The following ATP8A2 variants were observed in gnomAD, a reference collection of about 807,000 sequenced individuals.
ATP8A2 encodes the protein ATPase phospholipid transporting 8A2.
ATP8A2 carries 100 observed loss-of-function variants against 165.6 expected under a neutral mutation model. That is an observed-to-expected ratio of 0.60 (90% CI 0.51 to 0.71). ATP8A2 has a LOEUF of 0.71. Ranked by LOEUF, ATP8A2 falls within the 30% of genes least tolerant of loss-of-function variation. The pLI, the probability that ATP8A2 is intolerant of heterozygous loss-of-function variation, is 0.00. For missense variants in ATP8A2, 1,227 were observed against 1,479.5 expected (o/e 0.83, Z 2.80); for synonymous variants, 543 against 548.8 (o/e 0.99, Z 0.15).
intron 33 of ATP8A2, among the ~76,000 whole-genome samples, chr13:25,920,099 T>C (rs1283660406): frequency 1.3e-5 from 2 of 152,214 alleles, no homozygotes; most frequent in Non-Finnish European, 2.9e-5. Context: ...TGTTTTGTCT[T>C]GAACTCACTT....
intron 25 of ATP8A2, among the ~76,000 whole-genome samples, chr13:25,723,823 G>A (rs769544935): frequency 2.1e-4 from 32 of 151,980 alleles, no homozygotes; most frequent in Non-Finnish European, 4.4e-4. Flanking sequence ...GCTGACTTTA[G>A]GAAAGGGAGA....
intron 2 of ATP8A2, among the ~76,000 whole-genome samples, chr13:25,499,978 G>A (rs1311222470): frequency 6.6e-6 from 1 of 152,118 alleles, no homozygotes; most frequent in Non-Finnish European, 1.5e-5. Context: ...GGACAGCTAT[G>A]CTACCCTCTA....
chr13:25,469,286 G>GC (rs1442259377), intron 2 of ATP8A2, among the ~76,000 whole-genome samples, 165 bp downstream of exon 2: 1 of 122,798 alleles, frequency 8.1e-6, no homozygotes, highest in East Asian at 2.8e-4. Context: ...GTGCAGCCCC[G>GC]CGCTTCCAGT....
At chr13:25,492,408 A>G (rs1310255855) in intron 2 of ATP8A2, among the ~76,000 whole-genome samples, 1 of 152,132 alleles carries the variant, frequency 6.6e-6, no homozygotes, top group African/African-American at 2.4e-5. Flanking sequence ...TTTTTGGTCA[A>G]TTTTATGTTC....
chr13:25,932,256 T>G (rs1313776331), intron 33 of ATP8A2, among the ~76,000 whole-genome samples: 8 of 152,064 alleles, frequency 5.3e-5, no homozygotes. Flanking sequence ...TCTGGTGTGG[T>G]CCTCAGAAAA....
Position 25,813,485 on chromosome 13 carries a change from ATATGATATATGATATGG to A in ATP8A2, c.2680-14602_2680-14586del, listed in dbSNP as rs751815658. Among the ~76,000 whole-genome samples the A allele has an allele frequency of 9.5e-3, 1,225 of 128,726 alleles. 20 individuals are homozygous for A. Among genetic ancestry groups the A allele is most frequent in the African/African-American group, 0.032 (1,034 of 32,402 alleles). 84.4% of individuals were successfully genotyped at this position (128,726 alleles called of 152,430 possible). On this transcript the variant is annotated intron_variant, in intron 27 of 36. Transcript: ENST00000381655. ...TATAATATGGTGATATGATCTGATG[ATATGATATATGATATGG>A]TATGATATATGATATGGTATGATAT... is the stretch of plus-strand genomic sequence containing the variant.
At chr13:25,608,479 G>T in intron 24 of ATP8A2, among the ~76,000 whole-genome samples, 1 of 135,944 alleles carries the variant, frequency 7.4e-6, no homozygotes, top group East Asian at 2.0e-4. Flanking sequence ...TTAAATCTCA[G>T]CTATACATTT....
At chr13:25,800,520 C>T (rs995368031) in intron 27 of ATP8A2, among the ~76,000 whole-genome samples, 3 of 152,106 alleles carry the variant, frequency 2.0e-5, no homozygotes, top group African/African-American at 4.8e-5. Context: ...ATATAGGGTG[C>T]AGCAACTCAT....
intron 33 of ATP8A2, among the ~76,000 whole-genome samples, chr13:25,912,564 C>A (rs1041286149): frequency 6.6e-6 from 1 of 152,072 alleles, no homozygotes; most frequent in African/African-American, 2.4e-5. Context: ...CAAAAAGATG[C>A]GTATTTGATG....
intron 24 of ATP8A2, among the ~76,000 whole-genome samples, chr13:25,698,459 C>T (rs2042882370): frequency 6.6e-6 from 1 of 152,096 alleles, no homozygotes; most frequent in Non-Finnish European, 1.5e-5. Context: ...TCTTGAACTC[C>T]TGGGCTCAAG....
At chr13:25,960,900 T>A (rs560713039) in intron 33 of ATP8A2, among the ~76,000 whole-genome samples, 1 of 152,284 alleles carries the variant, frequency 6.6e-6, no homozygotes, top group East Asian at 1.9e-4. Context: ...TCCTTCCACT[T>A]GGAATCTCTG....
At chr13:25,454,794 C>A (rs905753122) in intron 1 of ATP8A2, among the ~76,000 whole-genome samples, 1 of 152,182 alleles carries the variant, frequency 6.6e-6, no homozygotes, top group African/African-American at 2.4e-5. Context: ...TGATGGCACA[C>A]ACCTGTAATC....
intron 30 of ATP8A2, among the ~76,000 whole-genome samples, chr13:25,859,064 A>G (rs1283996130): frequency 6.6e-6 from 1 of 152,100 alleles, no homozygotes; most frequent in Non-Finnish European, 1.5e-5. Flanking sequence ...TTAGCCAGGC[A>G]TGGTGGCGGG....
At chr13:25,940,185 G>A (rs995367246) in intron 33 of ATP8A2, among the ~76,000 whole-genome samples, 3 of 152,116 alleles carry the variant, frequency 2.0e-5, no homozygotes, top group African/African-American at 4.8e-5. Flanking sequence ...TCTTCATGCC[G>A]AACTTGACTC....
At chr13:25,592,706 C>T (rs934331734) in intron 24 of ATP8A2, among the ~76,000 whole-genome samples, 5 of 152,052 alleles carry the variant, frequency 3.3e-5, no homozygotes, top group Non-Finnish European at 5.9e-5. Context: ...CAGAAATGAG[C>T]CTCTGTTTTC....
intron 33 of ATP8A2, among the ~76,000 whole-genome samples, chr13:25,959,924 G>A (rs1419009005): frequency 6.6e-6 from 1 of 152,190 alleles, no homozygotes; most frequent in Non-Finnish European, 1.5e-5. Flanking sequence ...ACATTTTTAA[G>A]GGTTGTAAAC....
intron 33 of ATP8A2, among the ~76,000 whole-genome samples, chr13:25,887,487 G>A (rs979808830): frequency 5.3e-5 from 8 of 152,042 alleles, no homozygotes; most frequent in East Asian, 3.9e-4. Flanking sequence ...TACAGGCGTC[G>A]GCCACCATGC....
chr13:25,490,594 A>G (rs1201951461), intron 2 of ATP8A2, among the ~76,000 whole-genome samples: 1 of 152,236 alleles, frequency 6.6e-6, no homozygotes, highest in African/African-American at 2.4e-5. Context: ...GAAGGTCCAC[A>G]CAATAAAACC....
At chr13:25,868,132 T>G (rs747821669) in intron 33 of ATP8A2, 1 of 456,498 alleles carries the variant, frequency 2.2e-6, no homozygotes, top group South Asian at 1.5e-5. Flanking sequence ...CTTAGCTTCC[T>G]CAGCCAAGGA....
Sources: allele counts gnomAD v4.1 joint callset (sites outside exome capture counted in the v4.1 genomes callset), GRCh38; gene constraint gnomAD v4.1.1; transcripts MANE v1.5; gene names NCBI Gene and HGNC (gene_info 2026-07-23, HGNC 2026-07-21).